MTRF1: variants seen among roughly 807,000 people sequenced by gnomAD.
MTRF1 encodes the protein peptide chain release factor 1, mitochondrial.
MTRF1 carries 51 observed loss-of-function variants against 62.9 expected under a neutral mutation model. The ratio of observed to expected loss-of-function variants is 0.81; its 90% confidence interval spans 0.65 to 1.02. MTRF1 has a LOEUF of 1.02. Ranked by LOEUF, MTRF1 falls within the 50% of genes least tolerant of loss-of-function variation. The pLI is 0.00. For synonymous variants in MTRF1, 158 were observed against 181.9 expected (o/e 0.87, Z 1.06); for missense variants, 446 against 530.0 (o/e 0.84, Z 1.56).
intron 9 of MTRF1, among the ~76,000 whole-genome samples, chr13:41,221,393 C>T (rs1476346350): frequency 2.0e-4 from 30 of 151,988 alleles, no homozygotes; most frequent in Admixed American, 1.6e-3. Context: ...TTCCTGACCT[C>T]GTGATCTGCC....
At chr13:41,266,261 T>G (rs1368452547), upstream of MTRF1, among the ~76,000 whole-genome samples, 1 of 152,016 alleles carries the variant, frequency 6.6e-6, no homozygotes, top group Admixed American at 6.6e-5. Flanking sequence ...CCTGGCCCAG[T>G]CTATGGTTTT....
chr13:41,276,977 A>G, the MTRF1 span, among the ~76,000 whole-genome samples: 27 of 152,130 alleles, frequency 1.8e-4, no homozygotes, highest in African/African-American at 6.0e-4. Context: ...CTCTGCCCCA[A>G]CCAATCAGCA....
chr13:41,274,670 A>G, the MTRF1 span, among the ~76,000 whole-genome samples: 3 of 148,586 alleles, frequency 2.0e-5, no homozygotes, highest in South Asian at 2.1e-4. Context: ...TCAATAATAA[A>G]TATATAATAA....
intron 5 of MTRF1, among the ~76,000 whole-genome samples, chr13:41,250,762 A>G (rs1478792105): frequency 1.3e-5 from 2 of 152,122 alleles, no homozygotes; most frequent in Non-Finnish European, 2.9e-5. Context: ...CACTGTGCCC[A>G]GCCTATTTAC....
the MTRF1 span, among the ~76,000 whole-genome samples, chr13:41,296,550 G>C: frequency 6.6e-6 from 1 of 151,962 alleles, no homozygotes; most frequent in Admixed American, 6.6e-5. Flanking sequence ...TAAATTATTT[G>C]GTAAATTGTA....
chr13:41,221,769 C>G (rs1055811650), intron 9 of MTRF1, among the ~76,000 whole-genome samples: 1 of 152,110 alleles, frequency 6.6e-6, no homozygotes. Context: ...CACCTATGGT[C>G]CCATCTAAAA....
intron 9 of MTRF1, among the ~76,000 whole-genome samples, chr13:41,222,749 A>T (rs1199673032): frequency 6.6e-6 from 1 of 152,222 alleles, no homozygotes; most frequent in Non-Finnish European, 1.5e-5. Context: ...AGGCAATGGC[A>T]TTCTGCTGGC....
intron 1 of MTRF1, chr13:41,261,257 C>T (rs1044569554): frequency 1.1e-5 from 2 of 178,556 alleles, no homozygotes; most frequent in African/African-American, 4.7e-5. Flanking sequence ...TTGCCTGAAC[C>T]CAGGAGGCAG....
chr13:41,276,638 G>C, the MTRF1 span, among the ~76,000 whole-genome samples: 1 of 151,976 alleles, frequency 6.6e-6, no homozygotes, highest in African/African-American at 2.4e-5. Flanking sequence ...CCCCTCTCTT[G>C]CCTTTAGCTT....
the MTRF1 span, among the ~76,000 whole-genome samples, chr13:41,280,064 A>G: frequency 6.6e-6 from 1 of 152,114 alleles, no homozygotes; most frequent in African/African-American, 2.4e-5. Flanking sequence ...CAGCCTCCCA[A>G]GTAGCAGGGA....
upstream of MTRF1, among the ~76,000 whole-genome samples, chr13:41,266,329 G>A (rs1338025146): frequency 1.3e-5 from 2 of 152,100 alleles, no homozygotes; most frequent in African/African-American, 4.8e-5. Context: ...TTTAGAACTC[G>A]GGCTGGGCGT....
At chr13:41,222,360 C>A (rs997042230) in intron 9 of MTRF1, among the ~76,000 whole-genome samples, 3 of 152,208 alleles carry the variant, frequency 2.0e-5, no homozygotes, top group African/African-American at 7.2e-5. Context: ...TTTTCCCCAA[C>A]AGCCTAACTG....
At chr13:41,220,864 G>A (rs1425527715) in intron 9 of MTRF1, among the ~76,000 whole-genome samples, 1 of 151,958 alleles carries the variant, frequency 6.6e-6, no homozygotes, top group African/African-American at 2.4e-5. Context: ...TTAAAATCCT[G>A]GGAAGAAACT....
chr13:41,306,569 G>A, the MTRF1 span, among the ~76,000 whole-genome samples: 2 of 152,186 alleles, frequency 1.3e-5, no homozygotes, highest in African/African-American at 4.8e-5. Context: ...GCTGGCTCTG[G>A]AAGACATGCA....
At chr13:41,288,600 G>C in the MTRF1 span, among the ~76,000 whole-genome samples, 1 of 152,208 alleles carries the variant, frequency 6.6e-6, no homozygotes, top group Non-Finnish European at 1.5e-5. Context: ...GAGTGCAAAA[G>C]TAATTGCAGT....
chr13:41,256,129 A>T (rs1199796085), intron 2 of MTRF1, among the ~76,000 whole-genome samples: 7 of 152,164 alleles, frequency 4.6e-5, no homozygotes, highest in Non-Finnish European at 1.0e-4. Flanking sequence ...GACAACGAAG[A>T]AAAAAACATG....
the MTRF1 span, among the ~76,000 whole-genome samples, chr13:41,287,557 T>C: frequency 1.3e-5 from 2 of 152,222 alleles, no homozygotes; most frequent in Admixed American, 1.3e-4. Context: ...TTTTAAAGAA[T>C]GTGAGTCTCA....
the MTRF1 span, among the ~76,000 whole-genome samples, chr13:41,290,890 C>T: frequency 6.7e-6 from 1 of 149,586 alleles, no homozygotes; most frequent in Admixed American, 6.7e-5. Flanking sequence ...GTCAGGAGTT[C>T]GAGACCAGCC....
intron 6 of MTRF1, 102 bp downstream of exon 6, chr13:41,240,159 T>C (rs1051992822): frequency 5.8e-6 from 7 of 1,216,970 alleles, no homozygotes; most frequent in African/African-American, 1.6e-5. Context: ...CGAGACTCTG[T>C]CTCAAAAAAA....
Sources: gnomAD v4.1 joint callset for allele counts (sites outside exome capture counted in the v4.1 genomes callset) on GRCh38, gnomAD v4.1.1 for gene constraint, MANE v1.5 for transcripts, NCBI Gene and HGNC (gene_info 2026-07-23, HGNC 2026-07-21) for gene names.